RBM20: variants seen among roughly 807,000 people sequenced by gnomAD.
RBM20 encodes the protein RNA binding motif protein 20.
A neutral mutation model predicts 110.1 loss-of-function variants in RBM20; 51 were observed. That is an observed-to-expected ratio of 0.46 (90% CI 0.37 to 0.59). RBM20 has a LOEUF of 0.59. RBM20 is among the 20% of genes least tolerant of loss of function. The pLI is 0.00. For missense variants in RBM20, 1,512 were observed against 1,574.9 expected (o/e 0.96, Z 0.68); for synonymous variants, 589 against 618.2 (o/e 0.95, Z 0.70).
chr10:110,700,025 T>G (rs1350354995), intron 1 of RBM20, among the ~76,000 whole-genome samples: 1 of 152,202 alleles, frequency 6.6e-6, no homozygotes, highest in African/African-American at 2.4e-5. Context: ...ATCAGACTAC[T>G]CAGATCAGTG....
chr10:110,703,611 G>T (rs907742755), intron 1 of RBM20, among the ~76,000 whole-genome samples: 3 of 152,052 alleles, frequency 2.0e-5, no homozygotes, highest in African/African-American at 7.2e-5. Flanking sequence ...TCCTTTGTAT[G>T]TGTGTATATA....
intron 1 of RBM20, among the ~76,000 whole-genome samples, chr10:110,677,403 CT>C (rs1006034680): frequency 4.6e-5 from 7 of 152,132 alleles, no homozygotes; most frequent in African/African-American, 1.7e-4. Context: ...ACTGCAAGCT[CT>C]GCCTCCTGGG....
At chr10:110,724,664 G>A (rs1375702142) in intron 1 of RBM20, among the ~76,000 whole-genome samples, 1 of 152,134 alleles carries the variant, frequency 6.6e-6, no homozygotes, top group Admixed American at 6.5e-5. Context: ...TGGAGGTCTG[G>A]CACAAGACTC....
chr10:110,737,193 A>AAAAAC (rs1554894304), intron 1 of RBM20, among the ~76,000 whole-genome samples: 22 of 116,512 alleles, frequency 1.9e-4, no homozygotes, highest in Admixed American at 1.7e-3. Flanking sequence ...AAAAAAAAAA[A>AAAAAC]AAAACACCCC....
intron 1 of RBM20, among the ~76,000 whole-genome samples, chr10:110,667,453 T>C (rs1862194874): frequency 6.6e-6 from 1 of 152,170 alleles, no homozygotes; most frequent in East Asian, 1.9e-4. Flanking sequence ...TTGATGGGCA[T>C]GGACAGTGGG....
chr10:110,733,054 C>T (rs1405696173), intron 1 of RBM20, among the ~76,000 whole-genome samples: 2 of 152,118 alleles, frequency 1.3e-5, no homozygotes, highest in South Asian at 2.1e-4. Flanking sequence ...TGTCAAGATT[C>T]TTCCTTCCCT....
intron 1 of RBM20, among the ~76,000 whole-genome samples, chr10:110,698,876 C>T (rs978452681): frequency 6.6e-6 from 1 of 152,164 alleles, no homozygotes; most frequent in African/African-American, 2.4e-5. Context: ...GCCAGACAGA[C>T]CACTGCCACA....
chr10:110,660,345 A>G (rs549267984), intron 1 of RBM20, among the ~76,000 whole-genome samples: 4 of 152,188 alleles, frequency 2.6e-5, no homozygotes, highest in South Asian at 4.2e-4. Flanking sequence ...TCTTGAACCC[A>G]TCTCTTCCCA....
intron 1 of RBM20, among the ~76,000 whole-genome samples, chr10:110,649,423 A>C (rs890391864): frequency 1.3e-5 from 2 of 152,194 alleles, no homozygotes; most frequent in African/African-American, 4.8e-5. Flanking sequence ...AAGGGATAGA[A>C]ATTAAAATGG....
chr10:110,652,219 A>G (rs1861959451), intron 1 of RBM20, among the ~76,000 whole-genome samples: 1 of 152,236 alleles, frequency 6.6e-6, no homozygotes, highest in Admixed American at 6.5e-5. Flanking sequence ...TACAAACAGC[A>G]TGTATGCAAA....
chr10:110,812,192 T>C, intron 8 of RBM20, 86 bp from the exon 9 acceptor site: 1 of 1,209,194 alleles, frequency 8.3e-7, no homozygotes, highest in Non-Finnish European at 1.1e-6. Flanking sequence ...ACAGTATATC[T>C]AAGACAGAGA....
chr10:110,752,139 A>T (rs1843861990), intron 1 of RBM20, among the ~76,000 whole-genome samples: 1 of 152,194 alleles, frequency 6.6e-6, no homozygotes, highest in Non-Finnish European at 1.5e-5. Flanking sequence ...TGTATCCATC[A>T]TTATTGCACC....
At chr10:110,741,584 C>A (rs1185984165) in intron 1 of RBM20, among the ~76,000 whole-genome samples, 1 of 152,208 alleles carries the variant, frequency 6.6e-6, no homozygotes, top group Admixed American at 6.5e-5. Flanking sequence ...AGCTTTCAGT[C>A]CTAAATTTTC....
At chr10:110,769,238 G>T (rs1274561414) in intron 1 of RBM20, among the ~76,000 whole-genome samples, 2 of 151,660 alleles carry the variant, frequency 1.3e-5, no homozygotes, top group Non-Finnish European at 2.9e-5. Context: ...TGATACAGAT[G>T]ACTTTATCAA....
At chr10:110,651,586 G>A (rs1861950086) in intron 1 of RBM20, among the ~76,000 whole-genome samples, 1 of 152,182 alleles carries the variant, frequency 6.6e-6, no homozygotes, top group African/African-American at 2.4e-5. Flanking sequence ...CAGGCCAACA[G>A]GAGTGTGTTT....
chr10:110,810,102 G>T (rs967726302), intron 7 of RBM20, among the ~76,000 whole-genome samples: 2 of 151,876 alleles, frequency 1.3e-5, no homozygotes, highest in East Asian at 1.9e-4. Flanking sequence ...GCAGAGGTGG[G>T]TATTAACAAA....
chr10:110,800,028 T>A, intron 7 of RBM20, 110 bp downstream of exon 7: 1 of 1,063,230 alleles, frequency 9.4e-7, no homozygotes. Flanking sequence ...AGGAAAAGAT[T>A]CAGAAATTAC....
At chr10:110,752,920 CAT>C (rs760317651) in intron 1 of RBM20, among the ~76,000 whole-genome samples, 1,689 of 125,120 alleles carry the variant, frequency 0.013, 29 homozygotes, top group Non-Finnish European at 0.017. Flanking sequence ...TATATTTATA[CAT>C]ATATATATAT....
chr10:110,725,012 A>G (rs969684487), intron 1 of RBM20, among the ~76,000 whole-genome samples: 2 of 152,156 alleles, frequency 1.3e-5, no homozygotes, highest in Non-Finnish European at 2.9e-5. Context: ...TGCAAAGTGG[A>G]CTGTGATAAA....
Sources: gnomAD v4.1 joint callset for allele counts (sites outside exome capture counted in the v4.1 genomes callset) on GRCh38, gnomAD v4.1.1 for gene constraint, MANE v1.5 for transcripts, NCBI Gene and HGNC (gene_info 2026-07-23, HGNC 2026-07-21) for gene names.